INKA1: variants seen among roughly 807,000 people sequenced by gnomAD.
INKA1 encodes PAK4-inhibitor INKA1.
Under a neutral mutation model 21.3 loss-of-function variants are expected in INKA1, and 14 were observed. That is an observed-to-expected ratio of 0.66 (90% CI 0.43 to 1.03). The LOEUF (loss-of-function observed/expected upper bound fraction) is 1.03, where lower values mean the gene tolerates loss of function less well. Ranked by LOEUF, INKA1 falls within the 50% of genes least tolerant of loss-of-function variation. The pLI, the probability that INKA1 is intolerant of heterozygous loss-of-function variation, is 0.00. For missense variants in INKA1, 353 were observed against 379.0 expected, an observed-to-expected ratio of 0.93 and a Z score of 0.57; for synonymous variants, 133 against 143.3, an observed-to-expected ratio of 0.93 and a Z score of 0.51.
chr3:49,804,413 G>A lies in INKA1; in HGVS notation c.284G>A (p.Gly95Asp). ...PREHALDWDS[G>D]FSEVSGSTWR... ...GAGCATGCCCTGGACTGGGACTCTG[G>A]CTTCTCGGAGGTGTCAGGCAGCACA... is the stretch of plus-strand genomic sequence containing the variant. Residue 95 changes from glycine (G) to aspartate (D), a missense_variant, in exon 2 of 2, where the codon GGC (glycine) becomes GAC (aspartate). Gly to Asp is a moderately conservative substitution (Grantham distance 94). Coordinates refer to ENST00000333323, the MANE Select transcript of INKA1 (RefSeq NM_203370.2). The surrounding 1 kb of genome is among the most constrained non-coding windows in gnomAD (Gnocchi z 6.7). 6.2e-7 allele frequency: 1 copy of A among 1,613,574 alleles called. No homozygotes were observed. The highest frequency in any genetic ancestry group is 8.5e-7 in the Non-Finnish European group (1 of 1,179,992).
Position 49,803,540 on chromosome 3 carries a change from G to A in INKA1, c.51+97G>A. 7.8e-7 allele frequency: 1 copy of A among 1,290,122 alleles called. No homozygotes were observed. The highest frequency in any genetic ancestry group is 1.4e-5 in the South Asian group (1 of 72,384). The allele number at this position is 1,290,122 out of a possible 1,614,324, so 79.9% of individuals were successfully genotyped here. On this transcript the variant is annotated intron_variant, in intron 1 of 1. Coordinates refer to ENST00000333323, the MANE Select transcript of INKA1 (RefSeq NM_203370.2). The surrounding 1 kb of genome is among the most constrained non-coding windows in gnomAD (Gnocchi z 4.8). ...CAGACGGGTGCGGGGTGGCTCCAGCGTGCCGGTCCGAGGCGGGGTGGGGGC... is the reference window on the plus strand; with the variant it reads ...CAGACGGGTGCGGGGTGGCTCCAGCATGCCGGTCCGAGGCGGGGTGGGGGC...
Position 49,803,795 on chromosome 3 carries a change from ACC to A in INKA1, c.51+355_51+356del, listed in dbSNP as rs964737646. On this transcript the variant is annotated intron_variant, in intron 1 of 1. Transcript: ENST00000333323. The surrounding 1 kb of genome is among the most constrained non-coding windows in gnomAD (Gnocchi z 4.8). Reference sequence around the variant, plus strand: ...AGGCTGGCCTATGCCTCCCTTCTCTACCCCTCACCTAGCAAGCGCTCTTTCTG... The same window carrying A: ...AGGCTGGCCTATGCCTCCCTTCTCTACCTCACCTAGCAAGCGCTCTTTCTG... Among the ~76,000 whole-genome samples, 7 of 151,974 alleles carry A rather than the reference ACC, an allele frequency of 4.6e-5. No individual in the cohort carries two copies. Among genetic ancestry groups the A allele is most frequent in the African/African-American group, 1.7e-4 (7 of 41,370 alleles).
At position 49,804,746 on chromosome 3, in the gene INKA1, G is replaced by T. The variant is rs2081416984; in HGVS notation, c.617G>T (p.Ser206Ile). Reference sequence around the variant, plus strand: ...TGGATGGAGCTGCCTGAGACAGGGAGTGAAGGGGGTGACGGAGGTGGGCAC... The same window carrying T: ...TGGATGGAGCTGCCTGAGACAGGGATTGAAGGGGGTGACGGAGGTGGGCAC... ...HNWMELPETG[S>I]EGGDGGGHRA... The change falls in exon 2 of 2, where the codon AGT (serine) becomes ATT (isoleucine). Residue 206 changes from serine (S) to isoleucine (I), a missense_variant. Physicochemically the swap from Ser to Ile is moderately radical, Grantham distance 142 (BLOSUM62 -2). Transcript: ENST00000333323. The surrounding 1 kb of genome is among the most constrained non-coding windows in gnomAD (Gnocchi z 6.7). 1.2e-6 allele frequency: 2 copies of T among 1,613,202 alleles called. No individual in the cohort carries two copies. Among genetic ancestry groups the T allele is most frequent in the South Asian group, 1.1e-5 (1 of 91,094 alleles).
rs929185166 is a variant in INKA1, at chr3:49,803,832, C to G, written c.52-349C>G. Among the ~76,000 whole-genome samples, 1 of 152,198 alleles carries G rather than the reference C, an allele frequency of 6.6e-6. No homozygotes were observed. Among genetic ancestry groups the G allele is most frequent in the Non-Finnish European group, 1.5e-5 (1 of 68,026 alleles). ...GCAAGCGCTCTTTCTGTGAAAGACG[C>G]TTTGGGCTTTGGGAGCTGAATCCCC... On this transcript the variant is annotated intron_variant, in intron 1 of 1. Coordinates refer to ENST00000333323, the MANE Select transcript of INKA1 (RefSeq NM_203370.2). The surrounding 1 kb of genome is among the most constrained non-coding windows in gnomAD (Gnocchi z 4.8).
chr3:49,804,820 C>G lies in INKA1; in HGVS notation c.691C>G (p.Leu231Val), dbSNP rs1390719043. The G allele has an allele frequency of 4.3e-6, 7 of 1,613,178 alleles. No individual in the cohort carries two copies. The highest frequency in any genetic ancestry group is 5.9e-6 in the Non-Finnish European group (7 of 1,179,998). ...GTTCCTGCTTGGCCTCTCTGAGCAG[C>G]TTCGGCGCCGGCTGGCCAGGGCTCG... is the stretch of plus-strand genomic sequence containing the variant. The part of the protein sequence containing the change: ...PQFLLGLSEQ[L>V]RRRLARARRT... Residue 231 changes from leucine to valine, a missense_variant, in exon 2 of 2, where the codon CTT (leucine) becomes GTT (valine). By Grantham distance (32) the Leu-to-Val change is conservative. Coordinates refer to ENST00000333323, the MANE Select transcript of INKA1 (RefSeq NM_203370.2). This position sits in a 1 kb window ranked among gnomAD's most constrained non-coding sequence, Gnocchi z 6.7.
Position 49,804,282 on chromosome 3 carries a change from G to T in INKA1, c.153G>T (p.Ser51=). ...DVQPSHQLRA[S]GALEEDSVCC... ...AGCCCAGCCACCAGCTTAGGGCCTC[G>T]GGTGCCTTGGAAGAGGACTCAGTCT... The change falls in exon 2 of 2, where the codon TCG becomes TCT. Residue 51 remains serine (S), a synonymous_variant. Transcript: ENST00000333323. The surrounding 1 kb of genome is among the most constrained non-coding windows in gnomAD (Gnocchi z 6.7). The T allele has an allele frequency of 6.2e-7, 1 of 1,613,520 alleles. No homozygotes were observed. The highest frequency in any genetic ancestry group is 8.5e-7 in the Non-Finnish European group (1 of 1,179,900).
Position 49,803,529 on chromosome 3 carries a change from G to A in INKA1, c.51+86G>A. The A allele has an allele frequency of 5.0e-6, 7 of 1,388,972 alleles. No homozygotes were observed. Among genetic ancestry groups the A allele is most frequent in the Non-Finnish European group, 6.9e-6 (7 of 1,018,348 alleles). 86.0% of individuals were successfully genotyped at this position (1,388,972 alleles called of 1,614,324 possible). On this transcript the variant is annotated intron_variant, in intron 1 of 1. Transcript: ENST00000333323. The surrounding 1 kb of genome is among the most constrained non-coding windows in gnomAD (Gnocchi z 4.8). ...GGCCGGAACAACAGACGGGTGCGGG[G>A]TGGCTCCAGCGTGCCGGTCCGAGGC... is the stretch of plus-strand genomic sequence containing the variant.
In INKA1 at chr3:49,804,377, G is replaced by A. The variant is rs1360213123; in HGVS notation, c.248G>A (p.Gly83Glu). 1 of 1,613,416 alleles carries A rather than the reference G, an allele frequency of 6.2e-7. No individual in the cohort carries two copies. Among genetic ancestry groups the A allele is most frequent in the Non-Finnish European group, 8.5e-7 (1 of 1,179,986 alleles). The change falls in exon 2 of 2, where the codon GGA (glycine) becomes GAA (glutamate). Residue 83 changes from glycine to glutamate, a missense_variant. Physicochemically the swap from Gly to Glu is moderately conservative, Grantham distance 98. Coordinates refer to ENST00000333323, the MANE Select transcript of INKA1 (RefSeq NM_203370.2). This position sits in a 1 kb window ranked among gnomAD's most constrained non-coding sequence, Gnocchi z 6.7. ...ACAGAAGACAGGGATGCAGCCTTGG[G>A]AGGCCCCAGGGAGCATGCCCTGGAC... ...VVTEDRDAAL[G>E]GPREHALDWD...
At position 49,804,906 on chromosome 3, in the gene INKA1, T is replaced by G. The variant is rs147770013; in HGVS notation, c.777T>G (p.Pro259=). The G allele has an allele frequency of 1.4e-5, 23 of 1,612,874 alleles. No homozygotes were observed. The African/African-American group carries it at 3.1e-4, about 22-fold the overall frequency. The change falls in exon 2 of 2, where the codon CCT becomes CCG. Residue 259 remains proline, a synonymous_variant. Transcript: ENST00000333323. This position sits in a 1 kb window ranked among gnomAD's most constrained non-coding sequence, Gnocchi z 6.7. ...CACCTCGCCCAGAACCTGAACTGCC[T>G]GCGGATGTCTCACGCTTTGCAGCTC... The part of the protein sequence containing the change: ...SCPPRPEPEL[P]ADVSRFAALM...
Position 49,804,852 on chromosome 3 carries a change from A to G in INKA1, c.723A>G (p.Thr241=). The G allele has an allele frequency of 6.2e-7, 1 of 1,612,870 alleles. No homozygotes were observed. Among genetic ancestry groups the G allele is most frequent in the Non-Finnish European group, 8.5e-7 (1 of 1,179,956 alleles). ...LRRRLARARR[T]AMAGKRLSCP... ...GCCGGCTGGCCAGGGCTCGGCGGAC[A>G]GCTATGGCAGGAAAGCGGCTGTCAT... The change falls in exon 2 of 2, where the codon ACA becomes ACG. Residue 241 remains threonine (T), a synonymous_variant. Transcript: ENST00000333323. This position sits in a 1 kb window ranked among gnomAD's most constrained non-coding sequence, Gnocchi z 6.7.
Position 49,804,203 on chromosome 3 carries a change from C to T in INKA1, c.74C>T (p.Ser25Leu). The part of the protein sequence containing the change: ...WELLCGRDTG[S>L]PSMPGPLQPT... ...CAGTTGTGTGGTCGGGACACAGGCT[C>T]ACCCTCAATGCCTGGTCCCCTGCAG... is the stretch of plus-strand genomic sequence containing the variant. The change falls in exon 2 of 2, where the codon TCA becomes TTA. Residue 25 changes from serine to leucine, a missense_variant. Transcript: ENST00000333323. The surrounding 1 kb of genome is among the most constrained non-coding windows in gnomAD (Gnocchi z 6.7). The T allele has an allele frequency of 6.3e-7, 1 of 1,592,574 alleles. No homozygotes were observed. The highest frequency in any genetic ancestry group is 8.6e-7 in the Non-Finnish European group (1 of 1,167,554).
rs1177782991 is a variant in INKA1 at position 49,803,644 on chromosome 3, T to G, written c.51+201T>G. ...CTGAGCTGAGCATCAGATAACAGCA[T>G]CCAGCTGGCCGTGCTGCTGGAACGG... is the stretch of plus-strand genomic sequence containing the variant. On this transcript the variant is annotated intron_variant, in intron 1 of 1. Transcript: ENST00000333323. The surrounding 1 kb of genome is among the most constrained non-coding windows in gnomAD (Gnocchi z 4.8). 6.8e-6 allele frequency among the ~76,000 whole-genome samples: 1 copy of G among 146,054 alleles called. No homozygotes were observed. Among genetic ancestry groups the G allele is most frequent in the Non-Finnish European group, 1.5e-5 (1 of 67,004 alleles).
At position 49,804,711 on chromosome 3, in the gene INKA1, G is replaced by T. The variant is rs2081416314; in HGVS notation, c.582G>T (p.Leu194Phe). The change falls in exon 2 of 2, where the codon TTG (leucine) becomes TTT (phenylalanine). Residue 194 changes from leucine to phenylalanine, a missense_variant. By Grantham distance (22) the Leu-to-Phe change is conservative. Transcript: ENST00000333323. This position sits in a 1 kb window ranked among gnomAD's most constrained non-coding sequence, Gnocchi z 6.7. ...LVLGDNCFAD[L>F]VHNWMELPET... is the part of the protein sequence containing the mutation. The stretch of plus-strand genomic sequence containing the variant: ...TAGGGGACAATTGCTTTGCTGACTT[G>T]GTGCACAACTGGATGGAGCTGCCTG... 1.9e-6 allele frequency: 3 copies of T among 1,613,246 alleles called. No individual in the cohort carries two copies. Among genetic ancestry groups the T allele is most frequent in the Non-Finnish European group, 2.5e-6 (3 of 1,180,024 alleles).
Position 49,804,993 on chromosome 3 carries a change from C to A in INKA1, c.*6C>A, listed in dbSNP as rs756534866. The stretch of plus-strand genomic sequence containing the variant: ...ATGATGTCAGCTACCTCTGACCCTG[C>A]CCTCCAGCCTGGGACAATAAAAGCC... On this transcript the variant is annotated 3_prime_UTR_variant, in exon 2 of 2. Coordinates refer to ENST00000333323, the MANE Select transcript of INKA1 (RefSeq NM_203370.2). This position sits in a 1 kb window ranked among gnomAD's most constrained non-coding sequence, Gnocchi z 6.7. The A allele has an allele frequency of 6.2e-7, 1 of 1,602,490 alleles. No homozygotes were observed. Among genetic ancestry groups the A allele is most frequent in the Admixed American group, 1.7e-5 (1 of 59,650 alleles).
rs199972862 is a variant in INKA1 at position 49,803,482 on chromosome 3, G to T, written c.51+39G>T. ...GCGGGTGTGGTTAGTGAGGACGCGTGCGGGATGCCAGGCTGCCGCCCGGCC... is the reference window on the plus strand; with the variant it reads ...GCGGGTGTGGTTAGTGAGGACGCGTTCGGGATGCCAGGCTGCCGCCCGGCC... On this transcript the variant is annotated intron_variant, in intron 1 of 1. Transcript: ENST00000333323. The surrounding 1 kb of genome is among the most constrained non-coding windows in gnomAD (Gnocchi z 4.8). The T allele has an allele frequency of 1.6e-5, 24 of 1,537,464 alleles. No homozygotes were observed. The East Asian group carries it at 5.1e-4, about 33-fold the overall frequency.
At position 49,804,220 on chromosome 3, in the gene INKA1, C is replaced by A. The variant is rs1216670308; in HGVS notation, c.91C>A (p.Pro31Thr). The stretch of plus-strand genomic sequence containing the variant: ...CACAGGCTCACCCTCAATGCCTGGT[C>A]CCCTGCAGCCAACCTCCCAAACTGG... The part of the protein sequence containing the change: ...RDTGSPSMPG[P>T]LQPTSQTGPD... The change falls in exon 2 of 2, where the codon CCC (proline) becomes ACC (threonine). Residue 31 changes from proline (P) to threonine (T), a missense_variant. By Grantham distance (38) the Pro-to-Thr change is conservative. Coordinates refer to ENST00000333323, the MANE Select transcript of INKA1 (RefSeq NM_203370.2). The surrounding 1 kb of genome is among the most constrained non-coding windows in gnomAD (Gnocchi z 6.7). The A allele has an allele frequency of 6.2e-7, 1 of 1,604,082 alleles. No individual in the cohort carries two copies. The highest frequency in any genetic ancestry group is 8.5e-7 in the Non-Finnish European group (1 of 1,174,286).
In INKA1 at chr3:49,803,415, GCTTC is replaced by G; in HGVS notation, c.27_30del (p.Phe9LeufsTer65). The G allele has an allele frequency of 6.4e-7, 1 of 1,554,558 alleles. No individual in the cohort carries two copies. Among genetic ancestry groups the G allele is most frequent in the Non-Finnish European group, 8.7e-7 (1 of 1,153,418 alleles). ...GACATGCACAGCGCTCGGCTTGACA[GCTTC>G]CTTAGCCAGCTCCGCTGGGAACTGG... is the stretch of plus-strand genomic sequence containing the variant. On this transcript the variant is annotated frameshift_variant, in exon 1 of 2. Transcript: ENST00000333323. LOFTEE classifies it high-confidence loss of function. This position sits in a 1 kb window ranked among gnomAD's most constrained non-coding sequence, Gnocchi z 4.8.
At position 49,804,418 on chromosome 3, in the gene INKA1, T is replaced by C. The variant is rs1005706625; in HGVS notation, c.289T>C (p.Ser97Pro). ...TGCCCTGGACTGGGACTCTGGCTTC[T>C]CGGAGGTGTCAGGCAGCACATGGCG... ...EHALDWDSGF[S>P]EVSGSTWREE... The change falls in exon 2 of 2, where the codon TCG (serine) becomes CCG (proline). Residue 97 changes from serine (S) to proline (P), a missense_variant. Transcript: ENST00000333323. This position sits in a 1 kb window ranked among gnomAD's most constrained non-coding sequence, Gnocchi z 6.7. 6.2e-7 allele frequency: 1 copy of C among 1,613,464 alleles called. No individual in the cohort carries two copies. Among genetic ancestry groups the C allele is most frequent in the Admixed American group, 1.7e-5 (1 of 60,022 alleles).
rs1470695481 is a variant in INKA1, at chr3:49,804,543, C to A, written c.414C>A (p.Ala138=). The A allele has an allele frequency of 6.2e-7, 1 of 1,613,402 alleles. No homozygotes were observed. The highest frequency in any genetic ancestry group is 8.5e-7 in the Non-Finnish European group (1 of 1,180,018). ...SVSGLPMPSR[A]PVASVPPVHH... ...GTGGCCTCCCCATGCCCAGCAGGGC[C>A]CCTGTAGCCAGTGTACCACCTGTCC... The change falls in exon 2 of 2, where the codon GCC becomes GCA. Residue 138 remains alanine (A), a synonymous_variant. Transcript: ENST00000333323. The surrounding 1 kb of genome is among the most constrained non-coding windows in gnomAD (Gnocchi z 6.7).
Sources: allele counts gnomAD v4.1 joint callset (sites outside exome capture counted in the v4.1 genomes callset), GRCh38; gene constraint gnomAD v4.1.1; non-coding constraint Gnocchi (gnomAD v3.1); transcripts MANE v1.5; gene names NCBI Gene and HGNC (gene_info 2026-07-23, HGNC 2026-07-21).